Variants in GFRA1 observed in about 807,000 individuals in gnomAD.
GFRA1 encodes the protein GDNF family receptor alpha-1.
GFRA1 carries 16 observed loss-of-function variants against 51.6 expected under a neutral mutation model. The observed-to-expected ratio is 0.31, with a 90% CI of 0.21 to 0.47. The LOEUF is 0.47. Among genes scored for constraint, GFRA1 ranks in the 20% least tolerant of loss-of-function variants. The pLI, the probability that GFRA1 is intolerant of heterozygous loss-of-function variation, is 1.00. For missense variants in GFRA1, 530 were observed against 594.3 expected (o/e 0.89, Z 1.13); for synonymous variants, 270 against 241.3 (o/e 1.12, Z -1.10).
chr10:116,064,527 T>A lies in GFRA1; in HGVS notation c.1269A>T (p.Glu423Asp), dbSNP rs1409222593. Residue 423 changes from glutamate to aspartate, a missense_variant, in exon 11 of 11, where the codon GAA becomes GAT. Coordinates refer to ENST00000355422, the MANE Select transcript of GFRA1 (RefSeq NM_005264.8). ...LCISNGNYEK[E>D]GLGASSHITT... is the part of the protein sequence containing the mutation. ...TTATGTGGCTGGAAGCACCGAGACCTTCTTTTTCATAATTACCCTGTAAGG... is the reference window on the plus strand; with the variant it reads ...TTATGTGGCTGGAAGCACCGAGACCATCTTTTTCATAATTACCCTGTAAGG... The A allele has an allele frequency of 6.2e-7, 1 of 1,612,928 alleles. No homozygotes were observed. Among genetic ancestry groups the A allele is most frequent in the Non-Finnish European group, 8.5e-7 (1 of 1,179,082 alleles).
chr10:116,255,690 T>C (rs779030172), intron 4 of GFRA1: 4 of 1,289,146 alleles, frequency 3.1e-6, no homozygotes, highest in Middle Eastern at 2.1e-4. Context: ...CTTCCAGAAC[T>C]TTCCTTCCTG....
chr10:116,184,382 C>A (rs1379135755), intron 5 of GFRA1, among the ~76,000 whole-genome samples: 1 of 152,162 alleles, frequency 6.6e-6, no homozygotes, highest in African/African-American at 2.4e-5. Flanking sequence ...AGCCTTATCC[C>A]TGGGCCCACA....
At chr10:116,223,741 G>A (rs1966088926) in intron 4 of GFRA1, among the ~76,000 whole-genome samples, 1 of 152,156 alleles carries the variant, frequency 6.6e-6, no homozygotes, top group African/African-American at 2.4e-5. Flanking sequence ...GAGTGCCTTT[G>A]CAAAATAGAA....
At chr10:116,075,915 T>C (rs1955599843) in intron 9 of GFRA1, among the ~76,000 whole-genome samples, 5 of 151,910 alleles carry the variant, frequency 3.3e-5, no homozygotes, top group Admixed American at 1.3e-4. Context: ...CGGCTAATTT[T>C]TTGTATTTTT....
chr10:116,255,544 C>A, intron 4 of GFRA1: 1 of 1,189,670 alleles, frequency 8.4e-7, no homozygotes, highest in Non-Finnish European at 1.1e-6. Flanking sequence ...ATGTTCACAT[C>A]CACTCAACAC....
chr10:116,270,808 G>A lies in GFRA1; in HGVS notation c.334+14C>T. The A allele has an allele frequency of 1.9e-6, 3 of 1,605,734 alleles. No homozygotes were observed. Among genetic ancestry groups the A allele is most frequent in the Non-Finnish European group, 2.6e-6 (3 of 1,174,380 alleles). On this transcript the variant is annotated intron_variant, in intron 3 of 10. Transcript: ENST00000355422. ...GGAGGGACACGGGGTGGGGTGGGGA[G>A]GTTCCACGCGTACCCTGCAGGCTCT...
At chr10:116,167,346 C>T (rs1477554585) in intron 5 of GFRA1, among the ~76,000 whole-genome samples, 5 of 152,048 alleles carry the variant, frequency 3.3e-5, no homozygotes, top group Non-Finnish European at 7.4e-5. Context: ...TTTGCCCCTC[C>T]GTATTTTCTC....
chr10:116,122,754 C>T lies in GFRA1; in HGVS notation c.770+2467G>A, dbSNP rs2134012095. 2.0e-5 allele frequency among the ~76,000 whole-genome samples: 3 copies of T among 152,256 alleles called. 1 individual carries two copies. In the South Asian group the frequency reaches 6.2e-4, roughly 32 times the overall value. ...CCTGGGAGAACAGGAAGGAAAGGCTCCATCACCACCACCTCTCCCACCTCC... is the reference window on the plus strand; with the variant it reads ...CCTGGGAGAACAGGAAGGAAAGGCTTCATCACCACCACCTCTCCCACCTCC... On this transcript the variant is annotated intron_variant, in intron 6 of 10. Coordinates refer to ENST00000355422, the MANE Select transcript of GFRA1 (RefSeq NM_005264.8).
At chr10:116,259,324 CTT>C (rs77768306) in intron 4 of GFRA1, among the ~76,000 whole-genome samples, 5 of 143,856 alleles carry the variant, frequency 3.5e-5, no homozygotes, top group Admixed American at 7.0e-5. Context: ...CTATGTATTC[CTT>C]TTTTTTTTTT....
At chr10:116,258,445 T>TAATATATAA (rs1469301060) in intron 4 of GFRA1, among the ~76,000 whole-genome samples, 6 of 147,854 alleles carry the variant, frequency 4.1e-5, no homozygotes, top group African/African-American at 1.5e-4. Flanking sequence ...ATAAAATATA[T>TAATATATAA]AATATATAAT....
intron 5 of GFRA1, among the ~76,000 whole-genome samples, chr10:116,148,828 G>A (rs1469592469): frequency 6.6e-6 from 1 of 152,218 alleles, no homozygotes; most frequent in Non-Finnish European, 1.5e-5. Context: ...ATGAGAGAAT[G>A]AAGAGCTGGC....
chr10:116,097,999 A>T (rs2250073), intron 6 of GFRA1, among the ~76,000 whole-genome samples: 135,415 of 152,306 alleles, frequency 0.89, 61,832 homozygotes, highest in Non-Finnish European at 1. Context: ...ATTATCCAAG[A>T]CCGCAGTTCG....
rs527361822 is a variant in GFRA1, at chr10:116,077,807, G to C, written c.1197+11934C>G. 3.9e-4 allele frequency among the ~76,000 whole-genome samples: 59 copies of C among 152,264 alleles called. 1 individual carries two copies. The highest frequency in any genetic ancestry group is 1.3e-3 in the African/African-American group (53 of 41,546). ...GCACCTGATGTCGGCAGGCTGGGGG[G>C]GACAGCTTGTCCTCCATGGCAGCTG... On this transcript the variant is annotated intron_variant, in intron 9 of 10. Transcript: ENST00000355422.
At chr10:116,125,805 A>G (rs1012109130) in intron 5 of GFRA1, among the ~76,000 whole-genome samples, 13 of 152,242 alleles carry the variant, frequency 8.5e-5, no homozygotes, top group African/African-American at 2.7e-4. Flanking sequence ...GCGCTAGGTG[A>G]GGCCAAAACT....
chr10:116,233,347 T>G (rs939323107), intron 4 of GFRA1, among the ~76,000 whole-genome samples: 1 of 151,966 alleles, frequency 6.6e-6, no homozygotes, highest in African/African-American at 2.4e-5. Flanking sequence ...AAAAATTTTT[T>G]AATTGAGTTA....
At chr10:116,110,718 T>A (rs1957175635) in intron 6 of GFRA1, among the ~76,000 whole-genome samples, 1 of 152,140 alleles carries the variant, frequency 6.6e-6, no homozygotes, top group Admixed American at 6.5e-5. Context: ...AACCGTTCAA[T>A]TACCATGATC....
At chr10:116,091,421 C>T (rs892205126) in intron 8 of GFRA1, among the ~76,000 whole-genome samples, 7 of 152,096 alleles carry the variant, frequency 4.6e-5, no homozygotes, top group Admixed American at 6.5e-5. Flanking sequence ...AGCAAGGGAG[C>T]GCCAGAGGCA....
intron 6 of GFRA1, among the ~76,000 whole-genome samples, chr10:116,100,493 CT>C (rs1565575332): frequency 6.6e-6 from 1 of 152,174 alleles, no homozygotes; most frequent in Non-Finnish European, 1.5e-5. Context: ...TGGTCACTCA[CT>C]CAGGATGCCC....
At chr10:116,260,844 G>C (rs766567200) in intron 4 of GFRA1, among the ~76,000 whole-genome samples, 1 of 151,402 alleles carries the variant, frequency 6.6e-6, no homozygotes, top group Non-Finnish European at 1.5e-5. Flanking sequence ...CCAGCTAGTT[G>C]AGTCTCTAAA....
Sources: allele counts gnomAD v4.1 joint callset (sites outside exome capture counted in the v4.1 genomes callset), GRCh38; gene constraint gnomAD v4.1.1; transcripts MANE v1.5; gene names NCBI Gene and HGNC (gene_info 2026-07-23, HGNC 2026-07-21).